Variants in APOOL observed in about 807,000 individuals in gnomAD.
APOOL encodes the protein MICOS complex subunit MIC27.
A neutral mutation model predicts 23.1 loss-of-function variants in APOOL; 12 were observed. That is an observed-to-expected ratio of 0.52 (90% confidence interval 0.33 to 0.84). The LOEUF is 0.84. Ranked by LOEUF, APOOL falls within the 40% of genes least tolerant of loss-of-function variation. APOOL has a pLI of 0.02. For synonymous variants in APOOL, 77 were observed against 69.9 expected, an observed-to-expected ratio of 1.10 and a Z score of -0.51; for missense variants, 212 against 199.6, an observed-to-expected ratio of 1.06 and a Z score of -0.37.
chrX:85,051,154 G>A (rs1381349466), intron 2 of APOOL, among the ~76,000 whole-genome samples: 1 of 111,575 alleles, frequency 9.0e-6, no homozygotes, highest in East Asian at 2.8e-4. Context: ...ATACATAGGA[G>A]TAGAACCATT....
intron 1 of APOOL, among the ~76,000 whole-genome samples, chrX:85,022,640 GAAAA>G (rs1921706105): frequency 2.3e-5 from 1 of 42,820 alleles, no homozygotes; most frequent in Non-Finnish European, 3.9e-5. Flanking sequence ...ACTCAATGGT[GAAAA>G]GCTAAAGCTA....
At chrX:85,034,216 G>A (rs1463725708) in intron 1 of APOOL, among the ~76,000 whole-genome samples, 1 of 111,076 alleles carries the variant, frequency 9.0e-6, no homozygotes, top group Non-Finnish European at 1.9e-5. Context: ...GTGTTATTGG[G>A]GAAAAGTATA....
intron 8 of APOOL, among the ~76,000 whole-genome samples, chrX:85,081,727 C>T (rs1217294856): frequency 8.9e-6 from 1 of 111,758 alleles, no homozygotes; most frequent in Non-Finnish European, 1.9e-5. Flanking sequence ...CAGGTACACC[C>T]ATCAAACGTA....
chrX:85,088,566 C>T lies in APOOL; in HGVS notation c.*888C>T, dbSNP rs1005066832. On this transcript the variant is annotated 3_prime_UTR_variant, in exon 9 of 9. Coordinates refer to ENST00000373173, the MANE Select transcript of APOOL (RefSeq NM_198450.6). ...TGTTCCCTGGAAGAGGTATTACAAA[C>T]GTTTTATTCTTCTCAAGCCTCTTAG... is the stretch of plus-strand genomic sequence containing the variant. 28 of 108,946 alleles carry T rather than the reference C, an allele frequency of 2.6e-4. No homozygotes were observed. Among genetic ancestry groups the T allele is most frequent in the African/African-American group, 9.3e-4 (28 of 29,980 alleles). 9.0% of individuals were successfully genotyped at this position (108,946 alleles called of 1,213,427 possible).
chrX:85,047,905 A>G (rs762890136), intron 2 of APOOL, among the ~76,000 whole-genome samples: 1 of 111,911 alleles, frequency 8.9e-6, no homozygotes, highest in Non-Finnish European at 1.9e-5. Context: ...TAATGGTGTC[A>G]TAAGTATTCT....
At chrX:85,086,730 C>T (rs1318762133) in intron 8 of APOOL, among the ~76,000 whole-genome samples, 4 of 101,834 alleles carry the variant, frequency 3.9e-5, no homozygotes, top group East Asian at 6.2e-4. Flanking sequence ...GACGGAGTCT[C>T]GCTGTGTCTC....
chrX:85,068,110 T>C (rs1455778276), intron 6 of APOOL, among the ~76,000 whole-genome samples: 1 of 112,359 alleles, frequency 8.9e-6, no homozygotes. Context: ...TCATTAAGTC[T>C]ACTTATACCT....
At chrX:85,071,950 C>T (rs777355387) in intron 6 of APOOL, among the ~76,000 whole-genome samples, 2 of 110,872 alleles carry the variant, frequency 1.8e-5, no homozygotes, top group Non-Finnish European at 3.8e-5. Flanking sequence ...AAAAATTAGC[C>T]GGGCATGGTG....
intron 1 of APOOL, among the ~76,000 whole-genome samples, chrX:85,008,241 A>T (rs1305098762): frequency 1.8e-5 from 2 of 111,754 alleles, no homozygotes; most frequent in African/African-American, 6.5e-5. Flanking sequence ...GTTTATATGT[A>T]TCACTTCACC....
chrX:85,074,882 T>A (rs1923787300), intron 8 of APOOL, among the ~76,000 whole-genome samples: 1 of 110,356 alleles, frequency 9.1e-6, no homozygotes, highest in African/African-American at 3.3e-5. Context: ...ATATTATCCA[T>A]TATAATACTT....
At chrX:85,072,935 G>A (rs151275619) in intron 6 of APOOL, among the ~76,000 whole-genome samples, 3,566 of 111,226 alleles carry the variant, frequency 0.032, 140 homozygotes, top group African/African-American at 0.11. Flanking sequence ...GTTCATCATG[G>A]ACTTCCATTC....
chrX:85,078,358 A>G (rs1371086494), intron 8 of APOOL, among the ~76,000 whole-genome samples: 4 of 111,452 alleles, frequency 3.6e-5, no homozygotes, highest in Non-Finnish European at 7.5e-5. Context: ...TCCTTTCCCC[A>G]TTTCTTGTTT....
intron 6 of APOOL, among the ~76,000 whole-genome samples, chrX:85,072,077 C>G (rs778813237): frequency 9.0e-6 from 1 of 111,474 alleles, no homozygotes; most frequent in Non-Finnish European, 1.9e-5. Flanking sequence ...CCACTGTACT[C>G]CAGCCTGGGT....
chrX:85,008,783 TATTTTTTCTATGTCTGTGAAAAATGCC>T (rs897597658), intron 1 of APOOL, among the ~76,000 whole-genome samples: 2 of 111,825 alleles, frequency 1.8e-5, no homozygotes, highest in Non-Finnish European at 3.8e-5. Flanking sequence ...TGCAATTGTT[TATTTTTTCTATGTCTGTGAAAAATGCC>T]ACTAGAATTG....
rs368981401 is a variant in APOOL at position 85,069,417 on chromosome X, A to G, written c.486+2199A>G. On this transcript the variant is annotated intron_variant, in intron 6 of 8. Transcript: ENST00000373173. Reference sequence around the variant, plus strand: ...TAAAACATAAATGTCTTTCTTCGGCATGACCAATGTGTTGAAACCCCGTCT... The same window carrying G: ...TAAAACATAAATGTCTTTCTTCGGCGTGACCAATGTGTTGAAACCCCGTCT... Among the ~76,000 whole-genome samples, 14 of 109,457 alleles carry G rather than the reference A, an allele frequency of 1.3e-4. No individual in the cohort carries two copies. In the South Asian group the frequency reaches 2.0e-3, roughly 16 times the overall value.
Position 85,091,158 on chromosome X carries a change from G to A in APOOL, c.*3480G>A, listed in dbSNP as rs1924505985. ...CCAGCTACTTGGGAGGCTGAGGCAG[G>A]AGAATCACTTGAATCCGGGAGGTGG... On this transcript the variant is annotated 3_prime_UTR_variant, in exon 9 of 9. Coordinates refer to ENST00000373173, the MANE Select transcript of APOOL (RefSeq NM_198450.6). 1 of 112,454 alleles carries A rather than the reference G, an allele frequency of 8.9e-6. No homozygotes were observed. The highest frequency in any genetic ancestry group is 1.9e-5 in the Non-Finnish European group (1 of 53,315). 9.3% of individuals were successfully genotyped at this position (112,454 alleles called of 1,213,427 possible).
intron 2 of APOOL, among the ~76,000 whole-genome samples, chrX:85,047,589 T>A (rs1922617449): frequency 9.0e-6 from 1 of 111,653 alleles, no homozygotes; most frequent in Admixed American, 9.5e-5. Context: ...ATTAAGCCTT[T>A]TTACATGGAC....
chrX:85,032,880 C>T (rs941200639), intron 1 of APOOL, among the ~76,000 whole-genome samples: 1 of 111,854 alleles, frequency 8.9e-6, no homozygotes, highest in African/African-American at 3.2e-5. Flanking sequence ...CTTGAATGTA[C>T]TACGTAACTC....
At chrX:85,044,816 T>C (rs1289381836) in intron 1 of APOOL, among the ~76,000 whole-genome samples, 1 of 111,864 alleles carries the variant, frequency 8.9e-6, no homozygotes, top group African/African-American at 3.3e-5. Flanking sequence ...TGAAATTCTT[T>C]TATAGTCTAC....
Sources: allele counts gnomAD v4.1 joint callset (sites outside exome capture counted in the v4.1 genomes callset), GRCh38; gene constraint gnomAD v4.1.1; transcripts MANE v1.5; gene names NCBI Gene and HGNC (gene_info 2026-07-23, HGNC 2026-07-21).